Variants in DMD observed in about 807,000 individuals in gnomAD.
DMD encodes dystrophin.
DMD carries 63 observed loss-of-function variants against 330.1 expected under a neutral mutation model. The observed-to-expected ratio is 0.19, with a 90% CI of 0.16 to 0.24. DMD has a LOEUF of 0.24. Among genes scored for constraint, DMD ranks in the 10% least tolerant of loss-of-function variants. The pLI, the probability that DMD is intolerant of heterozygous loss-of-function variation, is 1.00. For missense variants in DMD, 3,344 were observed against 2,684.1 expected, an observed-to-expected ratio of 1.25 and a Z score of -5.43; for synonymous variants, 1,223 against 959.8, an observed-to-expected ratio of 1.27 and a Z score of -5.07.
In DMD at chrX:31,306,199, TA is replaced by T. The variant is rs780364429; in HGVS notation, c.9224+17398del. On this transcript the variant is annotated intron_variant, in intron 62 of 78. Coordinates refer to ENST00000357033, the MANE Select transcript of DMD (RefSeq NM_004006.3). Reference sequence around the variant, plus strand: ...TTTATATAAAATTAGTTTTCAAATTTAAAAAAAAATCCAGACTAAATTATAT... The same window carrying T: ...TTTATATAAAATTAGTTTTCAAATTTAAAAAAAATCCAGACTAAATTATAT... Among the ~76,000 whole-genome samples the T allele has an allele frequency of 5.4e-5, 6 of 110,457 alleles. No individual in the cohort carries two copies. In the South Asian group the frequency reaches 1.1e-3, roughly 21 times the overall value.
intron 41 of DMD, among the ~76,000 whole-genome samples, chrX:32,320,921 A>C: frequency 9.0e-6 from 1 of 111,723 alleles, no homozygotes; most frequent in East Asian, 2.8e-4. Flanking sequence ...CTAAAATGTC[A>C]CAAGGTGAAA....
At chrX:33,076,132 C>T (rs1268975249) in intron 1 of DMD, among the ~76,000 whole-genome samples, 1 of 110,889 alleles carries the variant, frequency 9.0e-6, no homozygotes. Flanking sequence ...CTATGACCCC[C>T]CACTCAGGAA....
intron 11 of DMD, among the ~76,000 whole-genome samples, chrX:32,626,097 G>A (rs192743668): frequency 8.9e-6 from 1 of 112,473 alleles, no homozygotes; most frequent in East Asian, 2.8e-4. Flanking sequence ...TTTAATGCAT[G>A]TTTTTACTTT....
At chrX:32,145,604 A>T (rs945726893) in intron 44 of DMD, among the ~76,000 whole-genome samples, 1 of 112,271 alleles carries the variant, frequency 8.9e-6, no homozygotes, top group Admixed American at 9.5e-5. Context: ...TTGAGACAAC[A>T]GTGATTTCCT....
At chrX:32,453,008 T>C (rs1214662167) in intron 26 of DMD, among the ~76,000 whole-genome samples, 1 of 110,895 alleles carries the variant, frequency 9.0e-6, no homozygotes, top group Non-Finnish European at 1.9e-5. Flanking sequence ...ATGATTCAGT[T>C]CTCTCATATT....
At chrX:32,763,514 A>T (rs996484676) in intron 7 of DMD, among the ~76,000 whole-genome samples, 2 of 111,784 alleles carry the variant, frequency 1.8e-5, no homozygotes, top group Non-Finnish European at 3.8e-5. Context: ...TTGTCAGCCT[A>T]TGAGAAATTA....
upstream of DMD, among the ~76,000 whole-genome samples, chrX:33,216,457 AG>A (rs2052056862): frequency 9.0e-6 from 1 of 111,098 alleles, no homozygotes. Flanking sequence ...GGGGGAATGG[AG>A]GGAAGCGGGT....
intron 59 of DMD, among the ~76,000 whole-genome samples, chrX:31,459,488 C>T (rs978220142): frequency 5.4e-5 from 6 of 111,805 alleles, no homozygotes; most frequent in Non-Finnish European, 1.1e-4. Flanking sequence ...TTGCTTATGC[C>T]GTGTTAAGAT....
chrX:31,752,636 T>C (rs763407630), intron 51 of DMD, among the ~76,000 whole-genome samples: 1 of 111,357 alleles, frequency 9.0e-6, no homozygotes, highest in African/African-American at 3.3e-5. Flanking sequence ...GTGTTTCTGT[T>C]TGGTGACAAG....
chrX:32,577,342 G>A (rs11797535), intron 13 of DMD, among the ~76,000 whole-genome samples: 45,242 of 110,926 alleles, frequency 0.41, 8,441 homozygotes, highest in Non-Finnish European at 0.58. Flanking sequence ...TATTGTTTAA[G>A]CCACCAGTCC....
At chrX:33,030,487 A>C (rs777298959) in intron 1 of DMD, among the ~76,000 whole-genome samples, 2 of 112,382 alleles carry the variant, frequency 1.8e-5, no homozygotes, top group East Asian at 5.6e-4. Flanking sequence ...ATCTTGTTTA[A>C]ACATGAGTAT....
chrX:32,395,956 T>TC (rs774013592), intron 30 of DMD, among the ~76,000 whole-genome samples: 53 of 111,400 alleles, frequency 4.8e-4, no homozygotes, highest in Non-Finnish European at 8.7e-4. Flanking sequence ...ATTTTTTTTT[T>TC]CAAAGACTGC....
intron 11 of DMD, among the ~76,000 whole-genome samples, chrX:32,621,529 G>A (rs2057991315): frequency 9.5e-6 from 1 of 104,720 alleles, no homozygotes; most frequent in Admixed American, 1.0e-4. Flanking sequence ...TCATTATGTT[G>A]CCCAGGCTGG....
chrX:32,585,746 AG>A (rs2054218112), intron 13 of DMD, among the ~76,000 whole-genome samples: 2 of 102,915 alleles, frequency 1.9e-5, no homozygotes, highest in Admixed American at 1.1e-4. Context: ...TTATTGTTCC[AG>A]CATACTTGCT....
intron 11 of DMD, among the ~76,000 whole-genome samples, chrX:32,639,282 G>A (rs1404229172): frequency 9.0e-6 from 1 of 111,095 alleles, no homozygotes; most frequent in South Asian, 3.8e-4. Context: ...TGTTTTCCCT[G>A]TGCCAGTTGT....
At chrX:32,483,164 T>TATATATATATATATATATATATATAC (rs1481445275) in intron 21 of DMD, among the ~76,000 whole-genome samples, 2,317 of 61,232 alleles carry the variant, frequency 0.038, 379 homozygotes, top group Non-Finnish European at 0.057. Context: ...TATATATATA[T>TATATATATATATATATATATATATAC]ACACCATATT....
chrX:31,522,357 C>CTATATATATATATATA (rs1205735701), intron 55 of DMD, among the ~76,000 whole-genome samples: 5 of 57,694 alleles, frequency 8.7e-5, no homozygotes, highest in Non-Finnish European at 1.2e-4. Context: ...CTCTCTCTCT[C>CTATATATATATATATA]TCTCTCTATA....
chrX:32,737,524 G>C lies in DMD; in HGVS notation c.650-38231C>G, dbSNP rs377682575. ...AAGTCTTGAAAACTAAACTATATTAGCATGTAGTTTTGGGTTGATACAAAC... is the reference window on the plus strand; with the variant it reads ...AAGTCTTGAAAACTAAACTATATTACCATGTAGTTTTGGGTTGATACAAAC... On this transcript the variant is annotated intron_variant, in intron 7 of 78. Coordinates refer to ENST00000357033, the MANE Select transcript of DMD (RefSeq NM_004006.3). Among the ~76,000 whole-genome samples the C allele has an allele frequency of 1.7e-3, 185 of 110,844 alleles. 6 individuals are homozygous for C. In the South Asian group the frequency reaches 0.061, roughly 36 times the overall value.
At chrX:31,988,641 T>C (rs1344868811) in intron 44 of DMD, among the ~76,000 whole-genome samples, 1 of 110,709 alleles carries the variant, frequency 9.0e-6, no homozygotes, top group Admixed American at 9.6e-5. Flanking sequence ...TCCTTTTTAA[T>C]TGTGACTTTC....
Sources: gnomAD v4.1 joint callset for allele counts (sites outside exome capture counted in the v4.1 genomes callset) on GRCh38, gnomAD v4.1.1 for gene constraint, MANE v1.5 for transcripts, NCBI Gene and HGNC (gene_info 2026-07-23, HGNC 2026-07-21) for gene names.